The following SLC6A3 variants were observed in gnomAD, a reference collection of about 807,000 sequenced individuals.
SLC6A3 encodes the protein sodium-dependent dopamine transporter.
SLC6A3 carries 19 observed loss-of-function variants against 70.4 expected under a neutral mutation model. The observed-to-expected ratio is 0.27, with a 90% CI of 0.19 to 0.40. SLC6A3 has a LOEUF of 0.40. Among genes scored for constraint, SLC6A3 ranks in the 10% least tolerant of loss-of-function variants. The probability of loss-of-function intolerance (pLI) is 1.00; values close to 1 mark genes in which losing one functional copy is unlikely to be tolerated. For synonymous variants in SLC6A3, 368 were observed against 356.6 expected (o/e 1.03, Z -0.36); for missense variants, 613 against 838.5 (o/e 0.73, Z 3.32).
rs376877303 is a variant in SLC6A3, at chr5:1,421,959, G to T, written c.709C>A (p.Arg237=). Residue 237 remains arginine, a synonymous_variant, in exon 5 of 15, where the codon CGG becomes AGG. Coordinates refer to ENST00000270349, the MANE Select transcript of SLC6A3 (RefSeq NM_001044.5). This position sits in a 1 kb window ranked among gnomAD's most constrained non-coding sequence, Gnocchi z 7.2. ...ACCAGGCAGGCTGTGAGCTGCCACC[G>T]CGGAGGCCCCAGGTCGTCGATGCCA... is the stretch of plus-strand genomic sequence containing the variant. ...SHGIDDLGPP[R]WQLTACLVLV... is the part of the protein sequence containing the mutation. The T allele has an allele frequency of 6.8e-6, 11 of 1,613,006 alleles. No individual in the cohort carries two copies. The highest frequency in any genetic ancestry group is 1.6e-4 in the Middle Eastern group (1 of 6,084).
At chr5:1,420,255 T>C (rs1179830401) in intron 6 of SLC6A3, among the ~76,000 whole-genome samples, 1 of 152,166 alleles carries the variant, frequency 6.6e-6, no homozygotes, top group Non-Finnish European at 1.5e-5. Context: ...CTCCTCCCTT[T>C]CTGGACAAGG....
chr5:1,431,566 G>A (rs1756704522), intron 4 of SLC6A3, among the ~76,000 whole-genome samples: 1 of 148,946 alleles, frequency 6.7e-6, no homozygotes, highest in Non-Finnish European at 1.5e-5. Context: ...CGGGGTGGAC[G>A]GTGAGGGGTG....
In SLC6A3 at chr5:1,403,106, C is replaced by T. The variant is rs370345490; in HGVS notation, c.1600-17G>A. On this transcript the variant is annotated splice_polypyrimidine_tract_variant and intron_variant, in intron 12 of 14. Coordinates refer to ENST00000270349, the MANE Select transcript of SLC6A3 (RefSeq NM_001044.5). The stretch of plus-strand genomic sequence containing the variant: ...GACCACGAACTGCAACCAGCAGATA[C>T]GGAGGTCAGGCAGCTCTCAGCCGGC... 105 of 1,612,492 alleles carry T rather than the reference C, an allele frequency of 6.5e-5. No homozygotes were observed. The African/African-American group carries it at 9.5e-4, about 15-fold the overall frequency.
At chr5:1,429,838 G>A (rs1455995168) in intron 4 of SLC6A3, among the ~76,000 whole-genome samples, 1 of 152,200 alleles carries the variant, frequency 6.6e-6, no homozygotes. Flanking sequence ...AGCACATGCA[G>A]CCCAGGCCTG....
At chr5:1,434,355 A>G (rs1756780877) in intron 3 of SLC6A3, among the ~76,000 whole-genome samples, 2 of 152,268 alleles carry the variant, frequency 1.3e-5, no homozygotes, top group Non-Finnish European at 2.9e-5. Flanking sequence ...AGGACCAGCC[A>G]GGGCCATCCA....
In SLC6A3 at chr5:1,438,027, T is replaced by G. The variant is rs1304543875; in HGVS notation, c.418+3332A>C. Among the ~76,000 whole-genome samples the G allele has an allele frequency of 6.6e-6, 1 of 152,226 alleles. No individual in the cohort carries two copies. The highest frequency in any genetic ancestry group is 2.4e-5 in the African/African-American group (1 of 41,462). ...GTCAGTCTCCTCTAAACTGGCATCCTGCGCTTGACAGGTAGGCAGAACAAA... is the reference window on the plus strand; with the variant it reads ...GTCAGTCTCCTCTAAACTGGCATCCGGCGCTTGACAGGTAGGCAGAACAAA... On this transcript the variant is annotated intron_variant, in intron 3 of 14. Transcript: ENST00000270349. This position sits in a 1 kb window ranked among gnomAD's most constrained non-coding sequence, Gnocchi z 6.5.
intron 5 of SLC6A3, 104 bp from the exon 6 acceptor site, chr5:1,420,807 T>C: frequency 9.7e-6 from 12 of 1,241,148 alleles, no homozygotes; most frequent in Non-Finnish European, 1.4e-5. Context: ...GTCCTCTGAT[T>C]GGGAGGCCCA....
rs28363121 is a variant in SLC6A3, at chr5:1,405,358, G to A, written c.1599+830C>T. Reference sequence around the variant, plus strand: ...CAGGTGACGAGGGGTCTCCACGCACGCGGGCCCTGCTGACTCCGGGACCAG... The same window carrying A: ...CAGGTGACGAGGGGTCTCCACGCACACGGGCCCTGCTGACTCCGGGACCAG... On this transcript the variant is annotated intron_variant, in intron 12 of 14. Transcript: ENST00000270349. This position sits in a 1 kb window ranked among gnomAD's most constrained non-coding sequence, Gnocchi z 5.3. 2.0e-5 allele frequency among the ~76,000 whole-genome samples: 3 copies of A among 152,206 alleles called. No individual in the cohort carries two copies. The highest frequency in any genetic ancestry group is 2.9e-5 in the Non-Finnish European group (2 of 68,046).
chr5:1,413,305 T>G lies in SLC6A3; in HGVS notation c.1156+1386A>C, dbSNP rs536981834. ...ATTTTTTTTCCTAGTGGAAAGAACA[T>G]GGGCTTAGGAGGCCCACCTCTGAGC... is the stretch of plus-strand genomic sequence containing the variant. On this transcript the variant is annotated intron_variant, in intron 8 of 14. Transcript: ENST00000270349. This position sits in a 1 kb window ranked among gnomAD's most constrained non-coding sequence, Gnocchi z 7.1. Among the ~76,000 whole-genome samples the G allele has an allele frequency of 2.6e-5, 4 of 152,330 alleles. No individual in the cohort carries two copies. The East Asian group carries it at 7.7e-4, about 29-fold the overall frequency.
At chr5:1,403,122 C>T in intron 12 of SLC6A3, 33 bp from the exon 13 acceptor site, 1 of 1,608,884 alleles carries the variant, frequency 6.2e-7, no homozygotes, top group Non-Finnish European at 8.5e-7. Context: ...TCAGGCAGCT[C>T]TCAGCCGGCG....
chr5:1,410,798 C>A (rs143019436), intron 9 of SLC6A3, among the ~76,000 whole-genome samples: 9 of 152,074 alleles, frequency 5.9e-5, no homozygotes, highest in Admixed American at 1.3e-4. Flanking sequence ...GCATGCATGT[C>A]TGTGTGTATG....
At chr5:1,414,019 G>T (rs1472046462) in intron 8 of SLC6A3, among the ~76,000 whole-genome samples, 1 of 152,174 alleles carries the variant, frequency 6.6e-6, no homozygotes, top group Non-Finnish European at 1.5e-5. Context: ...AACTCCAGGC[G>T]TGCAGGGACA....
chr5:1,407,167 G>T (rs1756002693), intron 11 of SLC6A3, among the ~76,000 whole-genome samples: 1 of 152,206 alleles, frequency 6.6e-6, no homozygotes, highest in African/African-American at 2.4e-5. Flanking sequence ...GACCTTAAGA[G>T]TGGTTTCTCC....
intron 14 of SLC6A3, 34 bp downstream of exon 14, chr5:1,400,881 C>A: frequency 2.6e-6 from 4 of 1,509,574 alleles, no homozygotes; most frequent in Non-Finnish European, 2.7e-6. Flanking sequence ...TCTGAATTCC[C>A]CCGAGAGAGG....
In SLC6A3 at chr5:1,421,081, CG is replaced by C. The variant is rs28382244; in HGVS notation, c.793-379del. Among the ~76,000 whole-genome samples the C allele has an allele frequency of 0.023, 3,495 of 152,034 alleles. 135 individuals are homozygous for C. Among genetic ancestry groups the C allele is most frequent in the African/African-American group, 0.073 (3,036 of 41,434 alleles). ...AGGGCTGCTCTGGGCTGTGTCCCTG[CG>C]GGAGGCTCCCGTGGCTGGTGCCATA... On this transcript the variant is annotated intron_variant, in intron 5 of 14. Coordinates refer to ENST00000270349, the MANE Select transcript of SLC6A3 (RefSeq NM_001044.5). This position sits in a 1 kb window ranked among gnomAD's most constrained non-coding sequence, Gnocchi z 7.2.
chr5:1,403,116 G>T, intron 12 of SLC6A3, 27 bp from the exon 13 acceptor site: 2 of 1,610,918 alleles, frequency 1.2e-6, no homozygotes, highest in East Asian at 2.2e-5. Context: ...CGGAGGTCAG[G>T]CAGCTCTCAG....
rs1335066561 is a variant in SLC6A3, at chr5:1,402,874, T to A, written c.1767+48A>T. ...GGGGCCATGGACACCCACGGAGCCT[T>A]TCTGGTGGCCTCACACTCGGGTGAA... On this transcript the variant is annotated intron_variant, in intron 13 of 14. Coordinates refer to ENST00000270349, the MANE Select transcript of SLC6A3 (RefSeq NM_001044.5). This position sits in a 1 kb window ranked among gnomAD's most constrained non-coding sequence, Gnocchi z 8.5. 6.3e-7 allele frequency: 1 copy of A among 1,598,060 alleles called. No individual in the cohort carries two copies. The highest frequency in any genetic ancestry group is 1.3e-5 in the African/African-American group (1 of 74,608).
In SLC6A3 at chr5:1,400,927, C is replaced by T. The variant is rs1472966800; in HGVS notation, c.1827G>A (p.Val609=). ...ACCTCGACCTCACCGTGAACTGGCG[C>T]ACCTCCCCTCTGTCCACCAGCTCAC... ...KDRELVDRGE[V]RQFTLRHWLK... is the part of the protein sequence containing the mutation. The change falls in exon 14 of 15, where the codon GTG becomes GTA. Residue 609 remains valine, a synonymous_variant. Coordinates refer to ENST00000270349, the MANE Select transcript of SLC6A3 (RefSeq NM_001044.5). The T allele has an allele frequency of 2.5e-6, 4 of 1,588,806 alleles. No homozygotes were observed. In the South Asian group the frequency reaches 3.4e-5, roughly 14 times the overall value.
intron 4 of SLC6A3, among the ~76,000 whole-genome samples, chr5:1,427,613 A>G (rs1756601107): frequency 6.6e-6 from 1 of 152,220 alleles, no homozygotes; most frequent in Admixed American, 6.5e-5. Flanking sequence ...TCTACAATAA[A>G]TCCATTTTAT....
Sources: gnomAD v4.1 joint callset for allele counts (sites outside exome capture counted in the v4.1 genomes callset) on GRCh38, gnomAD v4.1.1 for gene constraint, Gnocchi (gnomAD v3.1) non-coding constraint, MANE v1.5 for transcripts, NCBI Gene and HGNC (gene_info 2026-07-23, HGNC 2026-07-21) for gene names.